Variants in AKR1D1 observed in about 807,000 individuals in gnomAD.
AKR1D1 encodes the protein aldo-keto reductase family 1 member D1.
A neutral mutation model predicts 42.6 loss-of-function variants in AKR1D1; 32 were observed. That is an observed-to-expected ratio of 0.75 (90% CI 0.57 to 1.01). AKR1D1 has a LOEUF of 1.01. Among genes scored for constraint, AKR1D1 ranks in the 50% least tolerant of loss-of-function variants. AKR1D1 has a pLI of 0.00. For synonymous variants in AKR1D1, 123 were observed against 135.5 expected (o/e 0.91, Z 0.64); for missense variants, 364 against 402.2 (o/e 0.91, Z 0.81).
At chr7:138,113,865 C>T (rs1794582725) in intron 8 of AKR1D1, 93 bp downstream of exon 8, 1 of 1,147,534 alleles carries the variant, frequency 8.7e-7, no homozygotes, top group South Asian at 1.2e-5. Context: ...GACCTATGTC[C>T]ATAGCACCAG....
intron 1 of AKR1D1, among the ~76,000 whole-genome samples, chr7:138,087,010 T>G (rs1803196219): frequency 6.6e-6 from 1 of 152,354 alleles, no homozygotes; most frequent in East Asian, 1.9e-4. Flanking sequence ...GGGAATTATG[T>G]GGAATCTGAA....
chr7:138,078,719 T>C (rs1266541733), intron 1 of AKR1D1, among the ~76,000 whole-genome samples: 1 of 152,186 alleles, frequency 6.6e-6, no homozygotes, highest in Non-Finnish European at 1.5e-5. Flanking sequence ...AGTCTAATTA[T>C]GGGGTACAAG....
intron 3 of AKR1D1, among the ~76,000 whole-genome samples, chr7:138,095,020 C>T (rs894639684): frequency 2.6e-5 from 4 of 151,954 alleles, no homozygotes; most frequent in African/African-American, 9.7e-5. Flanking sequence ...GTTATTCTTC[C>T]AATAATACCT....
intron 5 of AKR1D1, among the ~76,000 whole-genome samples, chr7:138,105,945 A>T: frequency 6.6e-6 from 1 of 152,054 alleles, no homozygotes; most frequent in East Asian, 1.9e-4. Flanking sequence ...ATGAGAAAAA[A>T]CACTAAGGCT....
chr7:138,110,663 G>A (rs1794519880), intron 7 of AKR1D1, among the ~76,000 whole-genome samples: 1 of 152,104 alleles, frequency 6.6e-6, no homozygotes, highest in Admixed American at 6.5e-5. Flanking sequence ...TGAGGCAGGA[G>A]AATCGCTTGA....
chr7:138,111,811 C>T (rs913421754), intron 7 of AKR1D1, among the ~76,000 whole-genome samples: 1 of 152,128 alleles, frequency 6.6e-6, no homozygotes, highest in Non-Finnish European at 1.5e-5. Flanking sequence ...AGTTTATTAA[C>T]TCAGAAGAAA....
intron 1 of AKR1D1, among the ~76,000 whole-genome samples, chr7:138,081,581 A>G (rs1470364147): frequency 1.7e-5 from 2 of 117,594 alleles, no homozygotes; most frequent in Non-Finnish European, 3.2e-5. Flanking sequence ...GCTGGAGTGC[A>G]ATGGCACGAT....
chr7:138,088,846 G>T, intron 2 of AKR1D1, 78 bp downstream of exon 2: 1 of 1,424,324 alleles, frequency 7.0e-7, no homozygotes, highest in South Asian at 1.2e-5. Context: ...TCTTCCGTGT[G>T]TGTGTGTGTG....
chr7:138,095,961 G>A (rs1794175504), intron 3 of AKR1D1, among the ~76,000 whole-genome samples: 1 of 151,850 alleles, frequency 6.6e-6, no homozygotes, highest in South Asian at 2.1e-4. Context: ...AGCAATTTGG[G>A]AGGCCAAGGC....
At chr7:138,100,078 G>A (rs150191943) in intron 4 of AKR1D1, among the ~76,000 whole-genome samples, 1 of 62,200 alleles carries the variant, frequency 1.6e-5, no homozygotes, top group Non-Finnish European at 2.8e-5. Context: ...AATATAGCGA[G>A]ATTTCATCTC....
At chr7:138,105,592 T>TA (rs2117460492) in intron 5 of AKR1D1, among the ~76,000 whole-genome samples, 163 bp downstream of exon 5, 1 of 152,218 alleles carries the variant, frequency 6.6e-6, no homozygotes, top group East Asian at 1.9e-4. Flanking sequence ...GGTGTCACTT[T>TA]AAAAAACGGA....
chr7:138,084,088 G>C (rs1803113939), intron 1 of AKR1D1, among the ~76,000 whole-genome samples: 1 of 152,032 alleles, frequency 6.6e-6, no homozygotes, highest in Admixed American at 6.6e-5. Context: ...TTCTCCCAGG[G>C]ACTGGAGGTG....
chr7:138,116,765 C>A lies in AKR1D1; in HGVS notation c.*103C>A. ...AATGAAGAGAGAGGGTTTTACCATCCTGAGAAGAAATAATGATGGAAACAT... is the reference window on the plus strand; with the variant it reads ...AATGAAGAGAGAGGGTTTTACCATCATGAGAAGAAATAATGATGGAAACAT... On this transcript the variant is annotated 3_prime_UTR_variant, in exon 9 of 9. Coordinates refer to ENST00000242375, the MANE Select transcript of AKR1D1 (RefSeq NM_005989.4). 9.5e-7 allele frequency: 1 copy of A among 1,056,662 alleles called. No homozygotes were observed. Among genetic ancestry groups the A allele is most frequent in the Non-Finnish European group, 1.4e-6 (1 of 693,346 alleles). 65.5% of individuals were successfully genotyped at this position (1,056,662 alleles called of 1,614,324 possible).
chr7:138,116,259 T>C (rs1794630825), intron 8 of AKR1D1, among the ~76,000 whole-genome samples: 1 of 151,740 alleles, frequency 6.6e-6, no homozygotes, highest in African/African-American at 2.4e-5. Flanking sequence ...GCCCATGTAG[T>C]GGATTGGAGA....
At chr7:138,106,168 A>G (rs1292965680) in intron 5 of AKR1D1, among the ~76,000 whole-genome samples, 1 of 152,194 alleles carries the variant, frequency 6.6e-6, no homozygotes, top group Non-Finnish European at 1.5e-5. Flanking sequence ...TAGTGAGTGC[A>G]AATTGGTTCA....
chr7:138,085,649 T>C (rs1705979578), intron 1 of AKR1D1, among the ~76,000 whole-genome samples: 1 of 152,056 alleles, frequency 6.6e-6, no homozygotes, highest in African/African-American at 2.4e-5. Flanking sequence ...TTTCACCATG[T>C]TGGCCAGGCT....
intron 5 of AKR1D1, among the ~76,000 whole-genome samples, 168 bp from the exon 6 acceptor site, chr7:138,106,440 G>A (rs1794433947): frequency 6.6e-6 from 1 of 152,192 alleles, no homozygotes; most frequent in Admixed American, 6.5e-5. Context: ...TTTTAAGGAA[G>A]CAAAATGAAC....
intron 3 of AKR1D1, among the ~76,000 whole-genome samples, chr7:138,096,547 A>T (rs752854232): frequency 6.6e-6 from 1 of 152,220 alleles, no homozygotes; most frequent in Non-Finnish European, 1.5e-5. Flanking sequence ...TTTCCAACAC[A>T]TGAATTAGGG....
intron 1 of AKR1D1, among the ~76,000 whole-genome samples, chr7:138,085,189 C>T (rs1803147312): frequency 6.6e-6 from 1 of 151,020 alleles, no homozygotes; most frequent in South Asian, 2.1e-4. Flanking sequence ...TTCTGAGGGA[C>T]AATATTTTTC....
Sources: gnomAD v4.1 joint callset for allele counts (sites outside exome capture counted in the v4.1 genomes callset) on GRCh38, gnomAD v4.1.1 for gene constraint, MANE v1.5 for transcripts, NCBI Gene and HGNC (gene_info 2026-07-23, HGNC 2026-07-21) for gene names.